DNAH8: variants seen among roughly 807,000 people sequenced by gnomAD.
The protein encoded by DNAH8 is dynein axonemal heavy chain 8, also known as axonemal beta dynein heavy chain 8.
DNAH8 carries 382 observed loss-of-function variants against 562.1 expected under a neutral mutation model. That is an observed-to-expected ratio of 0.68 (90% CI 0.63 to 0.74). The LOEUF is 0.74. DNAH8 is among the 30% of genes least tolerant of loss of function. The pLI is 0.00. For missense variants in DNAH8, 5,203 were observed against 5,620.4 expected, an observed-to-expected ratio of 0.93 and a Z score of 2.37; for synonymous variants, 1,881 against 1,919.4, an observed-to-expected ratio of 0.98 and a Z score of 0.52.
intron 1 of DNAH8, among the ~76,000 whole-genome samples, chr6:38,715,956 A>ATTT (rs1562521493): frequency 3.0e-4 from 8 of 27,022 alleles, no homozygotes; most frequent in Non-Finnish European, 4.3e-4. Context: ...ATATATATAT[A>ATTT]TATATTTTTT....
intron 32 of DNAH8, among the ~76,000 whole-genome samples, chr6:38,835,162 T>C (rs147455835): frequency 1.4e-4 from 21 of 152,282 alleles, no homozygotes; most frequent in African/African-American, 4.8e-4. Flanking sequence ...CATGGATTAA[T>C]ACTTTGCAAA....
intron 10 of DNAH8, among the ~76,000 whole-genome samples, chr6:38,760,512 A>G (rs1202981564): frequency 1.3e-5 from 2 of 151,792 alleles, no homozygotes; most frequent in African/African-American, 4.8e-5. Flanking sequence ...GTCTCAATCC[A>G]AAGACTTTCC....
rs560954239 is a variant in DNAH8 at position 38,883,927 on chromosome 6, C to T, written c.8188C>T (p.Pro2730Ser). The T allele has an allele frequency of 6.9e-6, 11 of 1,590,534 alleles. No homozygotes were observed. The East Asian group carries it at 2.3e-4, about 33-fold the overall frequency. ...DKRIGSTYGP[P>S]GGRKMTVFID... ...GCGAATTGGAAGCACATATGGGCCA[C>T]CAGGAGGGAGAAAAATGACTGTATT... Residue 2730 changes from proline (P) to serine (S), a missense_variant, in exon 56 of 93, where the codon CCA (proline) becomes TCA (serine). Transcript: ENST00000327475.
chr6:38,779,016 A>G (rs1278585071), intron 14 of DNAH8, among the ~76,000 whole-genome samples: 1 of 152,178 alleles, frequency 6.6e-6, no homozygotes, highest in African/African-American at 2.4e-5. Flanking sequence ...TTTTTGTGGT[A>G]TGAACAGCTG....
At chr6:38,925,866 G>T (rs923338034) in intron 73 of DNAH8, among the ~76,000 whole-genome samples, 189 bp from the exon 74 acceptor site, 4 of 150,150 alleles carry the variant, frequency 2.7e-5, no homozygotes, top group Admixed American at 1.3e-4. Context: ...TAATAAATTT[G>T]TTTTTTTTTA....
chr6:38,901,507 T>C (rs901903921), intron 62 of DNAH8, among the ~76,000 whole-genome samples: 3 of 152,216 alleles, frequency 2.0e-5, no homozygotes, highest in Admixed American at 6.5e-5. Context: ...TATGTGACTA[T>C]ATAGTCTCCT....
chr6:38,982,451 G>T lies in DNAH8; in HGVS notation c.12940G>T (p.Asp4314Tyr). The change falls in exon 86 of 93, where the codon GAT (aspartate) becomes TAT (tyrosine). Residue 4314 changes from aspartate (D) to tyrosine (Y), a missense_variant. Asp to Tyr is a radical substitution (Grantham distance 160). This residue lies in a region of DNAH8 where 1,399 missense variants were observed against 1,518.4 expected (regional missense o/e 0.92). Coordinates refer to ENST00000327475, the MANE Select transcript of DNAH8 (RefSeq NM_001206927.2). ...TATTCAGAATCACCTTGATGAATGC[G>T]ATATTAAGAAAGTGAGTGAAATTAT... ...QFIQNHLDEC[D>Y]IKKGVSWNTV... 6.6e-7 allele frequency: 1 copy of T among 1,510,692 alleles called. No individual in the cohort carries two copies. The allele number at this position is 1,510,692 out of a possible 1,614,324, so 93.6% of individuals were successfully genotyped here.
intron 11 of DNAH8, 24 bp downstream of exon 11, chr6:38,761,827 C>G: frequency 7.2e-7 from 1 of 1,382,124 alleles, no homozygotes; most frequent in East Asian, 2.5e-5. Flanking sequence ...CTTTTATTTT[C>G]ATAAACTAAA....
In DNAH8 at chr6:38,921,424, A is replaced by G. The variant is rs529471563; in HGVS notation, c.10580A>G (p.Lys3527Arg). ...GCAGTTGCTAATGCTGAGTTAGGGA[A>G]GGCACAAGCCCTGCTGGATGAGAAG... ...RLAVANAELG[K>R]AQALLDEKQA... Residue 3527 changes from lysine (K) to arginine (R), a missense_variant, in exon 71 of 93, where the codon AAG becomes AGG. Around this residue, in one of 6 missense-constraint regions of DNAH8, gnomAD observed 1,399 missense variants for 1,518.4 expected, o/e 0.92. Transcript: ENST00000327475. 3 of 1,613,838 alleles carry G rather than the reference A, an allele frequency of 1.9e-6. No individual in the cohort carries two copies. The Admixed American group carries it at 5.0e-5, about 27-fold the overall frequency.
chr6:38,741,002 T>G (rs1764478500), intron 7 of DNAH8, among the ~76,000 whole-genome samples: 1 of 152,230 alleles, frequency 6.6e-6, no homozygotes, highest in Non-Finnish European at 1.5e-5. Flanking sequence ...TAATGCCTTC[T>G]GTTTCTTTAG....
At chr6:38,869,607 T>C (rs1444008059) in intron 48 of DNAH8, among the ~76,000 whole-genome samples, 2 of 152,328 alleles carry the variant, frequency 1.3e-5, no homozygotes, top group East Asian at 3.9e-4. Flanking sequence ...CTACTGCTTA[T>C]AAGAAAGGCT....
chr6:38,980,781 G>A (rs867406550), intron 85 of DNAH8, among the ~76,000 whole-genome samples: 4 of 151,978 alleles, frequency 2.6e-5, no homozygotes, highest in Non-Finnish European at 2.9e-5. Context: ...GTTGCTCTTA[G>A]TCTGATCTCC....
intron 53 of DNAH8, among the ~76,000 whole-genome samples, chr6:38,877,234 T>C (rs1426211370): frequency 2.6e-5 from 4 of 152,100 alleles, no homozygotes; most frequent in African/African-American, 9.7e-5. Flanking sequence ...GGCAGAGCCT[T>C]GGTTAGGGGA....
At chr6:39,016,849 C>T (rs780736882) in intron 91 of DNAH8, among the ~76,000 whole-genome samples, 4 of 152,186 alleles carry the variant, frequency 2.6e-5, no homozygotes, top group Non-Finnish European at 4.4e-5. Flanking sequence ...AGTGACATGC[C>T]TTGCTTGCCC....
intron 12 of DNAH8, among the ~76,000 whole-genome samples, chr6:38,775,494 A>G (rs1413990953): frequency 1.3e-5 from 2 of 152,224 alleles, no homozygotes; most frequent in African/African-American, 4.8e-5. Flanking sequence ...CACCCTTGAA[A>G]GACAAGCTGA....
chr6:39,013,078 G>T (rs527800264), intron 91 of DNAH8, among the ~76,000 whole-genome samples: 1 of 152,240 alleles, frequency 6.6e-6, no homozygotes, highest in East Asian at 1.9e-4. Context: ...ACTTCAGGGG[G>T]GTCTTCCCCC....
intron 74 of DNAH8, among the ~76,000 whole-genome samples, chr6:38,926,876 C>T (rs1302623832): frequency 1.3e-5 from 2 of 152,202 alleles, no homozygotes; most frequent in African/African-American, 4.8e-5. Flanking sequence ...TCCACCACTA[C>T]CTCCATCAAG....
rs77259263 is a variant in DNAH8 at position 38,989,099 on chromosome 6, C to T, written c.13054-913C>T. Among the ~76,000 whole-genome samples the T allele has an allele frequency of 1.2e-3, 180 of 152,294 alleles. 3 individuals are homozygous for T. The East Asian group carries it at 0.03, about 26-fold the overall frequency. On this transcript the variant is annotated intron_variant, in intron 87 of 92. Coordinates refer to ENST00000327475, the MANE Select transcript of DNAH8 (RefSeq NM_001206927.2). ...TACACAGGGTATTTCAGAGCAATCA[C>T]TGGATCTAAAAAGAGCTGGAGGAAG...
At chr6:38,890,844 A>G (rs1779299838) in intron 58 of DNAH8, 83 bp downstream of exon 58, 2 of 908,658 alleles carry the variant, frequency 2.2e-6, no homozygotes, top group Non-Finnish European at 3.6e-6. Context: ...TTAAGTTATC[A>G]TAATATCATA....
Sources: allele counts gnomAD v4.1 joint callset (sites outside exome capture counted in the v4.1 genomes callset), GRCh38; gene constraint gnomAD v4.1.1; regional missense constraint gnomAD v4.1.1; transcripts MANE v1.5; gene names NCBI Gene and HGNC (gene_info 2026-07-23, HGNC 2026-07-21).